The following TRPM3 variants were observed in gnomAD, a reference collection of about 807,000 sequenced individuals.
The protein encoded by TRPM3 is long transient receptor potential channel 3.
Under a neutral mutation model 181.2 loss-of-function variants are expected in TRPM3, and 77 were observed. The ratio of observed to expected loss-of-function variants is 0.42; its 90% CI spans 0.35 to 0.51. TRPM3 has a LOEUF of 0.51. TRPM3 is among the 20% of genes least tolerant of loss of function. The pLI is 0.01. For synonymous variants in TRPM3, 745 were observed against 796.4 expected, an observed-to-expected ratio of 0.94 and a Z score of 1.09; for missense variants, 1,759 against 2,196.7, an observed-to-expected ratio of 0.80 and a Z score of 3.98.
intron 14 of TRPM3, among the ~76,000 whole-genome samples, chr9:70,624,946 T>C (rs2064268282): frequency 6.6e-6 from 1 of 152,202 alleles, no homozygotes; most frequent in South Asian, 2.1e-4. Context: ...TTCCCATAGA[T>C]AAAAGCTCCT....
chr9:70,934,409 G>T (rs1451823096), intron 1 of TRPM3, among the ~76,000 whole-genome samples: 1 of 152,098 alleles, frequency 6.6e-6, no homozygotes, highest in Non-Finnish European at 1.5e-5. Context: ...GGACTCTACT[G>T]CTCCCTGACT....
At chr9:70,960,668 C>T (rs761363514) in intron 1 of TRPM3, among the ~76,000 whole-genome samples, 3 of 152,188 alleles carry the variant, frequency 2.0e-5, no homozygotes, top group Non-Finnish European at 4.4e-5. Flanking sequence ...CAAGCTGAGG[C>T]TGTATTTACA....
intron 5 of TRPM3, among the ~76,000 whole-genome samples, chr9:70,837,445 A>G (rs1175720116): frequency 6.6e-6 from 1 of 152,210 alleles, no homozygotes; most frequent in Non-Finnish European, 1.5e-5. Context: ...ACCACACAAG[A>G]TGATGTGTTG....
intron 1 of TRPM3, among the ~76,000 whole-genome samples, chr9:71,387,248 G>A (rs1305868351): frequency 6.6e-6 from 1 of 152,148 alleles, no homozygotes; most frequent in Non-Finnish European, 1.5e-5. Context: ...CCACTGCATT[G>A]AAGACCAAAG....
intron 1 of TRPM3, among the ~76,000 whole-genome samples, chr9:70,903,930 T>G (rs557829234): frequency 6.6e-6 from 1 of 152,176 alleles, no homozygotes; most frequent in Non-Finnish European, 1.5e-5. Context: ...TAATTTTTCT[T>G]TTGCTGATTT....
chr9:71,275,054 T>C (rs2084086978), intron 1 of TRPM3, among the ~76,000 whole-genome samples: 1 of 128,570 alleles, frequency 7.8e-6, no homozygotes. Flanking sequence ...CTAGCCAACA[T>C]AGTAAGGCAA....
rs534657257 is a variant in TRPM3 at position 71,407,175 on chromosome 9, G to T, written c.183+39478C>A. ...CCAGCATGAGCGACACAGAAGACAG[G>T]TAATTTCTACATTTCCAACTGAGGT... is the stretch of plus-strand genomic sequence containing the variant. On this transcript the variant is annotated intron_variant, in intron 1 of 24. Coordinates refer to the TRPM3 transcript ENST00000357533. Among the ~76,000 whole-genome samples the T allele has an allele frequency of 1.9e-3, 291 of 152,278 alleles. 2 individuals carry two copies. The highest frequency in any genetic ancestry group is 0.01 in the Middle Eastern group (3 of 294).
At chr9:71,000,305 T>A (rs2097585240) in intron 1 of TRPM3, among the ~76,000 whole-genome samples, 1 of 152,184 alleles carries the variant, frequency 6.6e-6, no homozygotes, top group Admixed American at 6.5e-5. Flanking sequence ...ACACTGAGGT[T>A]GAAGTGTTGA....
intron 8 of TRPM3, among the ~76,000 whole-genome samples, chr9:70,688,176 G>A (rs906315521): frequency 3.9e-5 from 6 of 151,962 alleles, no homozygotes; most frequent in African/African-American, 1.5e-4. Flanking sequence ...CATCTTCCAT[G>A]CCTGATTATA....
intron 1 of TRPM3, among the ~76,000 whole-genome samples, chr9:71,180,639 G>A (rs1458741257): frequency 6.6e-6 from 1 of 152,158 alleles, no homozygotes; most frequent in Non-Finnish European, 1.5e-5. Flanking sequence ...ATGAGTAGCT[G>A]TGAGGATGTG....
chr9:71,248,348 G>GT (rs1167093541), intron 1 of TRPM3, among the ~76,000 whole-genome samples: 1 of 152,156 alleles, frequency 6.6e-6, no homozygotes, highest in Non-Finnish European at 1.5e-5. Flanking sequence ...GTATGGTAAG[G>GT]TGGTTTCTTC....
chr9:71,337,408 T>C (rs2090634645), intron 1 of TRPM3, among the ~76,000 whole-genome samples: 1 of 152,096 alleles, frequency 6.6e-6, no homozygotes, highest in Admixed American at 6.6e-5. Context: ...ATGGCAATCA[T>C]TAAAAAGTCA....
chr9:70,932,289 C>G (rs76750877), intron 1 of TRPM3, among the ~76,000 whole-genome samples: 1 of 152,008 alleles, frequency 6.6e-6, no homozygotes, highest in South Asian at 2.1e-4. Context: ...AGAGGGCCTT[C>G]GTAAACAGTC....
chr9:71,167,786 T>C (rs2076610839), intron 1 of TRPM3, among the ~76,000 whole-genome samples: 1 of 152,190 alleles, frequency 6.6e-6, no homozygotes, highest in South Asian at 2.1e-4. Flanking sequence ...ATGGAGGGAA[T>C]AATGACAGCA....
At chr9:70,750,547 G>A (rs2075956127) in intron 8 of TRPM3, among the ~76,000 whole-genome samples, 1 of 152,168 alleles carries the variant, frequency 6.6e-6, no homozygotes. Flanking sequence ...GGAACACAGA[G>A]TAATGGCCCT....
chr9:71,052,942 A>C (rs2060221329), intron 1 of TRPM3, among the ~76,000 whole-genome samples: 1 of 152,044 alleles, frequency 6.6e-6, no homozygotes, highest in South Asian at 2.1e-4. Flanking sequence ...ATGGCAAATA[A>C]AATATTATAC....
At chr9:70,774,395 A>G (rs1167202695) in intron 7 of TRPM3, 1 of 152,180 alleles carries the variant, frequency 6.6e-6, no homozygotes, top group Non-Finnish European at 1.5e-5. Flanking sequence ...TTTATTGTAA[A>G]AATATATTAT....
chr9:70,857,301 T>A (rs2095411858), intron 3 of TRPM3, among the ~76,000 whole-genome samples: 1 of 151,474 alleles, frequency 6.6e-6, no homozygotes, highest in African/African-American at 2.4e-5. Context: ...TCTTCCTGCG[T>A]CACAATTTTT....
chr9:70,681,617 T>C (rs1766999385), intron 8 of TRPM3, 39 bp from the exon 9 acceptor site: 2 of 1,570,772 alleles, frequency 1.3e-6, no homozygotes, highest in South Asian at 2.2e-5. Context: ...CAAAGCATTT[T>C]TCCCCCAAGA....
Sources: gnomAD v4.1 joint callset for allele counts (sites outside exome capture counted in the v4.1 genomes callset) on GRCh38, gnomAD v4.1.1 for gene constraint, MANE v1.5 for transcripts, NCBI Gene and HGNC (gene_info 2026-07-23, HGNC 2026-07-21) for gene names.